SLC26A7: variants seen among roughly 807,000 people sequenced by gnomAD.
SLC26A7 encodes anion exchange transporter.
In SLC26A7, 59 loss-of-function variants were observed where a neutral mutation model predicts 82.5. The ratio of observed to expected loss-of-function variants is 0.72; its 90% CI spans 0.58 to 0.89. The LOEUF (loss-of-function observed/expected upper bound fraction) is 0.89. SLC26A7 is among the 40% of genes least tolerant of loss of function. The pLI is 0.00. For synonymous variants in SLC26A7, 271 were observed against 274.3 expected, an observed-to-expected ratio of 0.99 and a Z score of 0.12; for missense variants, 820 against 793.0, an observed-to-expected ratio of 1.03 and a Z score of -0.41.
At chr8:91,353,105 G>A in intron 11 of SLC26A7, 109 bp downstream of exon 11, 1 of 663,248 alleles carries the variant, frequency 1.5e-6, no homozygotes, top group Non-Finnish European at 2.4e-6. Context: ...TTTGAGACTT[G>A]TACACTTTAC....
At chr8:91,316,364 C>T (rs1010897660) in intron 4 of SLC26A7, among the ~76,000 whole-genome samples, 2 of 151,460 alleles carry the variant, frequency 1.3e-5, no homozygotes, top group African/African-American at 4.8e-5. Flanking sequence ...CTTACTGCAA[C>T]CTCTGCCTCC....
chr8:91,289,105 G>A (rs1343653307), intron 2 of SLC26A7, 31 bp from the exon 3 acceptor site: 2 of 1,400,906 alleles, frequency 1.4e-6, no homozygotes, highest in Admixed American at 3.4e-5. Flanking sequence ...GGGTTATAAG[G>A]TGGTTTTAAT....
At chr8:91,248,912 AACTAGTT>A (rs1201269204), upstream of SLC26A7, among the ~76,000 whole-genome samples, 6 of 152,148 alleles carry the variant, frequency 3.9e-5, no homozygotes, top group Admixed American at 6.5e-5. Flanking sequence ...TGTTTATGAG[AACTAGTT>A]ACTCCTTTCC....
At chr8:91,323,030 T>A (rs2130814805) in intron 5 of SLC26A7, among the ~76,000 whole-genome samples, 1 of 152,356 alleles carries the variant, frequency 6.6e-6, no homozygotes, top group South Asian at 2.1e-4. Context: ...CAATTAAATA[T>A]GTATAAGTGG....
intron 8 of SLC26A7, among the ~76,000 whole-genome samples, chr8:91,341,808 GCTT>G (rs1436607174): frequency 1.3e-5 from 2 of 152,020 alleles, no homozygotes; most frequent in Admixed American, 6.6e-5. Flanking sequence ...CCACCACCTT[GCTT>G]CTTCTTGAAC....
intron 9 of SLC26A7, among the ~76,000 whole-genome samples, chr8:91,344,819 C>T (rs1416902052): frequency 6.6e-6 from 1 of 152,172 alleles, no homozygotes; most frequent in East Asian, 1.9e-4. Context: ...TTTTTGCAAA[C>T]TGTACTCTCA....
chr8:91,373,233 T>G (rs1040478989), intron 15 of SLC26A7, among the ~76,000 whole-genome samples: 6 of 152,044 alleles, frequency 3.9e-5, no homozygotes, highest in African/African-American at 9.6e-5. Flanking sequence ...CCTGCCTTAT[T>G]TCTCTGGCTA....
chr8:91,334,364 A>G lies in SLC26A7; in HGVS notation c.712A>G (p.Ile238Val). 6.2e-7 allele frequency: 1 copy of G among 1,613,552 alleles called. No homozygotes were observed. Among genetic ancestry groups the G allele is most frequent in the Non-Finnish European group, 8.5e-7 (1 of 1,179,634 alleles). Residue 238 changes from isoleucine (I) to valine (V), a missense_variant, in exon 6 of 19, where the codon ATT (isoleucine) becomes GTT (valine). Coordinates refer to ENST00000276609, the MANE Select transcript of SLC26A7 (RefSeq NM_052832.4). The part of the protein sequence containing the change: ...LEALLLSLLS[I>V]VVLVLVKELN... ...AGCATTGCTTTTATCCTTGCTGAGC[A>G]TTGTGGTCCTTGTTCTTGTTAAAGA... is the stretch of plus-strand genomic sequence containing the variant.
chr8:91,304,159 A>G (rs1812240044), intron 4 of SLC26A7, among the ~76,000 whole-genome samples: 1 of 152,190 alleles, frequency 6.6e-6, no homozygotes, highest in South Asian at 2.1e-4. Flanking sequence ...TTTAGGAAAA[A>G]TTATTTAGGA....
chr8:91,359,896 G>C (rs1012101599), intron 11 of SLC26A7, among the ~76,000 whole-genome samples: 2 of 80,336 alleles, frequency 2.5e-5, no homozygotes, highest in African/African-American at 1.0e-4. Context: ...GTGTGTGTGT[G>C]CGCATGTGTG....
At chr8:91,321,395 AG>A (rs767634978) in intron 5 of SLC26A7, among the ~76,000 whole-genome samples, 1 of 152,206 alleles carries the variant, frequency 6.6e-6, no homozygotes, top group Non-Finnish European at 1.5e-5. Context: ...CCCCGACTCC[AG>A]CGAAGCTCAG....
chr8:91,256,286 T>G (rs995327826), intron 2 of SLC26A7, among the ~76,000 whole-genome samples: 3 of 152,112 alleles, frequency 2.0e-5, no homozygotes, highest in African/African-American at 4.8e-5. Context: ...GAGCAGGATC[T>G]AGCCATAGTT....
At chr8:91,225,094 A>G (rs1462509428) in intron 2 of SLC26A7, among the ~76,000 whole-genome samples, 3 of 152,194 alleles carry the variant, frequency 2.0e-5, no homozygotes, top group African/African-American at 7.2e-5. Flanking sequence ...TCCCTTGCCT[A>G]GGGAGCTTTG....
intron 2 of SLC26A7, among the ~76,000 whole-genome samples, chr8:91,273,440 C>T (rs1272281228): frequency 1.3e-5 from 2 of 152,038 alleles, no homozygotes; most frequent in South Asian, 2.1e-4. Context: ...GCTAGAAGAG[C>T]GAGGTGAGAA....
At chr8:91,253,755 C>T (rs11995390) in intron 2 of SLC26A7, among the ~76,000 whole-genome samples, 3,725 of 152,122 alleles carry the variant, frequency 0.024, 164 homozygotes, top group African/African-American at 0.081. Flanking sequence ...TAGGCCTTAA[C>T]ATATTGTATT....
intron 2 of SLC26A7, among the ~76,000 whole-genome samples, chr8:91,287,832 T>C (rs1378450172): frequency 1.3e-5 from 2 of 152,216 alleles, no homozygotes; most frequent in Non-Finnish European, 1.5e-5. Context: ...CCAATACTAA[T>C]GAAGCTTCAA....
chr8:91,392,193 A>G (rs1468098337), intron 16 of SLC26A7, among the ~76,000 whole-genome samples: 3 of 152,194 alleles, frequency 2.0e-5, no homozygotes, highest in Non-Finnish European at 4.4e-5. Context: ...GCAGTTTTGT[A>G]TCAGTTTGCC....
intron 9 of SLC26A7, among the ~76,000 whole-genome samples, chr8:91,345,850 T>TA (rs1224952970): frequency 4.6e-5 from 7 of 152,246 alleles, no homozygotes; most frequent in Non-Finnish European, 1.0e-4. Context: ...TTCATCTTTG[T>TA]AACCTTTAAT....
chr8:91,304,865 C>A (rs1812260437), intron 4 of SLC26A7, among the ~76,000 whole-genome samples: 1 of 152,188 alleles, frequency 6.6e-6, no homozygotes, highest in African/African-American at 2.4e-5. Context: ...CTGTCATTCT[C>A]TAGGCATGCC....
Sources: gnomAD v4.1 joint callset for allele counts (sites outside exome capture counted in the v4.1 genomes callset) on GRCh38, gnomAD v4.1.1 for gene constraint, MANE v1.5 for transcripts, NCBI Gene and HGNC (gene_info 2026-07-23, HGNC 2026-07-21) for gene names.